Variants in GABRB2 observed in about 807,000 individuals in gnomAD.
The protein encoded by GABRB2 is gamma-aminobutyric acid type A receptor subunit beta2.
In GABRB2, 16 loss-of-function variants were observed where a neutral mutation model predicts 54.7. That is an observed-to-expected ratio of 0.29 (90% confidence interval 0.20 to 0.44). The LOEUF is 0.44. Among genes scored for constraint, GABRB2 ranks in the 20% least tolerant of loss-of-function variants. The pLI, the probability that GABRB2 is intolerant of heterozygous loss-of-function variation, is 1.00. For missense variants in GABRB2, 355 were observed against 644.0 expected (o/e 0.55, Z 4.86); for synonymous variants, 244 against 233.8 (o/e 1.04, Z -0.40).
At chr5:161,470,966 T>C (rs1001000528) in intron 3 of GABRB2, among the ~76,000 whole-genome samples, 3 of 151,920 alleles carry the variant, frequency 2.0e-5, no homozygotes, top group African/African-American at 7.2e-5. Context: ...CCTGCATGGG[T>C]TTTAAATGTT....
chr5:161,384,703 TAAG>T (rs1755570650), intron 5 of GABRB2, among the ~76,000 whole-genome samples: 1 of 152,180 alleles, frequency 6.6e-6, no homozygotes, highest in African/African-American at 2.4e-5. Flanking sequence ...AGAGACAACA[TAAG>T]AGAGTTTTCT....
intron 1 of GABRB2, 47 bp from the exon 2 acceptor site, chr5:161,546,460 A>C: frequency 6.3e-7 from 1 of 1,590,596 alleles, no homozygotes; most frequent in Non-Finnish European, 8.6e-7. Context: ...GGAAGCAGGC[A>C]TAGCGTTTTC....
intron 3 of GABRB2, among the ~76,000 whole-genome samples, chr5:161,501,940 G>A: frequency 6.8e-6 from 1 of 147,428 alleles, no homozygotes; most frequent in Non-Finnish European, 1.5e-5. Context: ...TAAAATAAAT[G>A]TAAAATATGT....
intron 3 of GABRB2, among the ~76,000 whole-genome samples, chr5:161,496,699 A>T (rs1413027580): frequency 1.3e-5 from 2 of 152,140 alleles, no homozygotes; most frequent in Non-Finnish European, 2.9e-5. Context: ...TATCTTAGGT[A>T]TATTCGACAT....
At chr5:161,494,877 A>G (rs540788060) in intron 3 of GABRB2, among the ~76,000 whole-genome samples, 1 of 152,044 alleles carries the variant, frequency 6.6e-6, no homozygotes, top group South Asian at 2.1e-4. Flanking sequence ...CCAAGACAGT[A>G]TATGCTATTA....
At chr5:161,433,626 A>C (rs993985802) in intron 4 of GABRB2, among the ~76,000 whole-genome samples, 3 of 151,958 alleles carry the variant, frequency 2.0e-5, no homozygotes, top group African/African-American at 7.3e-5. Context: ...ATAAAAATAA[A>C]AATAAAAGAA....
At chr5:161,483,356 GAAC>G (rs1211650847) in intron 3 of GABRB2, among the ~76,000 whole-genome samples, 1 of 151,868 alleles carries the variant, frequency 6.6e-6, no homozygotes, top group Non-Finnish European at 1.5e-5. Flanking sequence ...GATGAACAGA[GAAC>G]AACACGTGAT....
intron 4 of GABRB2, among the ~76,000 whole-genome samples, chr5:161,436,715 A>T (rs949574612): frequency 4.6e-5 from 7 of 152,154 alleles, no homozygotes; most frequent in Non-Finnish European, 1.0e-4. Context: ...TTTTACCTTC[A>T]TATTGCTGAA....
chr5:161,538,560 C>T (rs922102127), intron 3 of GABRB2, among the ~76,000 whole-genome samples: 5 of 152,190 alleles, frequency 3.3e-5, no homozygotes, highest in Non-Finnish European at 7.3e-5. Context: ...TGGTGGCTCA[C>T]GCCTATAATC....
At chr5:161,471,426 G>C (rs1304354684) in intron 3 of GABRB2, among the ~76,000 whole-genome samples, 4 of 151,964 alleles carry the variant, frequency 2.6e-5, no homozygotes, top group Admixed American at 2.6e-4. Flanking sequence ...ATGTTCAATT[G>C]CAGCATTTTG....
intron 9 of GABRB2, among the ~76,000 whole-genome samples, chr5:161,302,529 G>C (rs749597975): frequency 6.6e-6 from 1 of 152,132 alleles, no homozygotes; most frequent in Non-Finnish European, 1.5e-5. Flanking sequence ...ACCTTGCAAA[G>C]GGGAAATGGG....
chr5:161,485,760 G>A (rs1035508755), intron 3 of GABRB2, among the ~76,000 whole-genome samples: 2 of 151,828 alleles, frequency 1.3e-5, no homozygotes, highest in African/African-American at 4.8e-5. Flanking sequence ...TTCAAGCTAG[G>A]TCAATGGTCA....
At chr5:161,522,632 A>C (rs955176242) in intron 3 of GABRB2, among the ~76,000 whole-genome samples, 3 of 151,500 alleles carry the variant, frequency 2.0e-5, no homozygotes, top group Non-Finnish European at 4.4e-5. Flanking sequence ...TTTCAAGACT[A>C]AAAGGATATA....
chr5:161,334,633 G>C, intron 7 of GABRB2, 119 bp downstream of exon 7: 1 of 936,474 alleles, frequency 1.1e-6, no homozygotes, highest in Non-Finnish European at 1.6e-6. Flanking sequence ...AACTCTTACA[G>C]TGTGAGAGGT....
At chr5:161,335,269 G>A (rs896989401) in intron 6 of GABRB2, among the ~76,000 whole-genome samples, 2 of 152,136 alleles carry the variant, frequency 1.3e-5, no homozygotes, top group Non-Finnish European at 2.9e-5. Flanking sequence ...ATGTGAGAGT[G>A]AGGCTGCATG....
rs186365399 is a variant in GABRB2, at chr5:161,460,750, G to A, written c.238-906C>T. On this transcript the variant is annotated intron_variant, in intron 3 of 9. Transcript: ENST00000393959. ...GGTAAACAAGACAGATTAAATGCCTGCTCTCAGGGAATTTAAAAACAAAGC... is the reference window on the plus strand; with the variant it reads ...GGTAAACAAGACAGATTAAATGCCTACTCTCAGGGAATTTAAAAACAAAGC... Among the ~76,000 whole-genome samples the A allele has an allele frequency of 8.9e-4, 136 of 152,120 alleles. 1 individual carries two copies. The highest frequency in any genetic ancestry group is 3.2e-3 in the African/African-American group (133 of 41,494).
intron 9 of GABRB2, among the ~76,000 whole-genome samples, chr5:161,324,777 T>C (rs1194796648): frequency 6.6e-6 from 1 of 152,090 alleles, no homozygotes; most frequent in Middle Eastern, 3.2e-3. Context: ...CATAAAGACA[T>C]AACCAACATA....
chr5:161,481,332 A>G (rs1218317722), intron 3 of GABRB2, among the ~76,000 whole-genome samples: 3 of 152,042 alleles, frequency 2.0e-5, no homozygotes, highest in African/African-American at 7.2e-5. Flanking sequence ...TGTGATCACT[A>G]TTGTCATTTT....
chr5:161,341,828 G>C (rs543952152), intron 5 of GABRB2, among the ~76,000 whole-genome samples: 43 of 149,302 alleles, frequency 2.9e-4, no homozygotes, highest in African/African-American at 1.1e-3. Flanking sequence ...TTTCATTTTA[G>C]AATTGTTTTA....
Sources: allele counts gnomAD v4.1 joint callset (sites outside exome capture counted in the v4.1 genomes callset), GRCh38; gene constraint gnomAD v4.1.1; transcripts MANE v1.5; gene names NCBI Gene and HGNC (gene_info 2026-07-23, HGNC 2026-07-21).